The following NAV2 variants were observed in gnomAD, a reference collection of about 807,000 sequenced individuals.
NAV2 encodes the protein helicase, APC down-regulated 1.
A neutral mutation model predicts 223.2 loss-of-function variants in NAV2; 54 were observed. The ratio of observed to expected loss-of-function variants is 0.24; its 90% confidence interval spans 0.19 to 0.30. NAV2 has a LOEUF of 0.30. NAV2 is among the 10% of genes least tolerant of loss of function. The pLI is 1.00. For synonymous variants in NAV2, 1,279 were observed against 1,239.3 expected (o/e 1.03, Z -0.67); for missense variants, 2,806 against 3,147.5 (o/e 0.89, Z 2.60).
At chr11:20,011,633 A>G (rs1175165480) in intron 11 of NAV2, among the ~76,000 whole-genome samples, 1 of 152,270 alleles carries the variant, frequency 6.6e-6, no homozygotes, top group Non-Finnish European at 1.5e-5. Flanking sequence ...CAGGATTTGT[A>G]GCTAGACAGT....
chr11:19,499,148 C>G (rs1187724835), intron 1 of NAV2, among the ~76,000 whole-genome samples: 1 of 152,204 alleles, frequency 6.6e-6, no homozygotes, highest in African/African-American at 2.4e-5. Flanking sequence ...GCCTTTGCCA[C>G]CTGTGTGGGC....
chr11:19,609,752 G>A (rs2046583922), intron 1 of NAV2, among the ~76,000 whole-genome samples: 2 of 152,150 alleles, frequency 1.3e-5, no homozygotes, highest in African/African-American at 4.8e-5. Flanking sequence ...ATGATTATTG[G>A]CCATGCAAGC....
At chr11:19,509,696 G>T (rs1461741572) in intron 1 of NAV2, among the ~76,000 whole-genome samples, 1 of 152,162 alleles carries the variant, frequency 6.6e-6, no homozygotes, top group Non-Finnish European at 1.5e-5. Flanking sequence ...CTCTTTGCTG[G>T]TTCTTTAGAT....
intron 6 of NAV2, among the ~76,000 whole-genome samples, chr11:19,931,398 C>G (rs1445504968): frequency 6.6e-6 from 1 of 152,120 alleles, no homozygotes; most frequent in Non-Finnish European, 1.5e-5. Context: ...TTTGGATCAC[C>G]CTGGAGCTGT....
intron 36 of NAV2, among the ~76,000 whole-genome samples, chr11:20,112,272 T>G (rs7124370): frequency 7.2e-5 from 11 of 151,986 alleles, no homozygotes; most frequent in Non-Finnish European, 1.3e-4. Context: ...CAATAATTGC[T>G]TTTCAAATGC....
At chr11:19,594,561 C>G (rs2046153892) in intron 1 of NAV2, among the ~76,000 whole-genome samples, 1 of 151,952 alleles carries the variant, frequency 6.6e-6, no homozygotes, top group Non-Finnish European at 1.5e-5. Context: ...TCGGTCCCAA[C>G]ATGGTAGTGA....
chr11:19,374,197 TC>T (rs1256926090), intron 1 of NAV2, among the ~76,000 whole-genome samples: 1 of 152,230 alleles, frequency 6.6e-6, no homozygotes, highest in Non-Finnish European at 1.5e-5. Context: ...TTCTTGTTTT[TC>T]ACTATGTATC....
At chr11:19,503,554 T>G (rs908129441) in intron 1 of NAV2, 30 of 152,350 alleles carry the variant, frequency 2.0e-4, no homozygotes, top group African/African-American at 7.2e-4. Context: ...TCATACAATT[T>G]GTAGCTTTTT....
intron 1 of NAV2, among the ~76,000 whole-genome samples, chr11:19,576,456 A>G (rs1260761659): frequency 6.6e-6 from 1 of 152,194 alleles, no homozygotes; most frequent in African/African-American, 2.4e-5. Context: ...GAATTTGGGG[A>G]GAAATACAAA....
At chr11:19,361,590 T>A (rs1438861595) in intron 1 of NAV2, among the ~76,000 whole-genome samples, 1 of 151,978 alleles carries the variant, frequency 6.6e-6, no homozygotes, top group Non-Finnish European at 1.5e-5. Flanking sequence ...AGTCCTGAGG[T>A]CACTACATGA....
intron 1 of NAV2, among the ~76,000 whole-genome samples, chr11:19,604,258 G>A (rs1478822888): frequency 6.6e-6 from 1 of 152,088 alleles, no homozygotes; most frequent in African/African-American, 2.4e-5. Flanking sequence ...GGTAGGAGGA[G>A]GCTACTGCAA....
At chr11:19,991,372 G>A (rs922770910) in intron 11 of NAV2, among the ~76,000 whole-genome samples, 3 of 152,036 alleles carry the variant, frequency 2.0e-5, no homozygotes, top group Admixed American at 6.6e-5. Flanking sequence ...TGATCTGCCT[G>A]CCTCAGCCTC....
At chr11:19,428,140 A>G (rs1258456736) in intron 1 of NAV2, among the ~76,000 whole-genome samples, 3 of 152,076 alleles carry the variant, frequency 2.0e-5, no homozygotes, top group African/African-American at 7.2e-5. Context: ...TAAATCTTTG[A>G]GATCTTTCAT....
In NAV2 at chr11:19,577,539, C is replaced by T. The variant is rs192262494; in HGVS notation, c.75+226512C>T. Among the ~76,000 whole-genome samples the T allele has an allele frequency of 1.4e-3, 209 of 152,364 alleles. 1 individual carries two copies. The highest frequency in any genetic ancestry group is 4.7e-3 in the African/African-American group (197 of 41,586). ...GCCACTTCTCCCTCTGTGTCCTTCA[C>T]CACCTATCTTTTTCACAGCTCTGTT... On this transcript the variant is annotated intron_variant, in intron 1 of 37. Coordinates refer to the NAV2 transcript ENST00000360655.
chr11:19,515,101 A>G (rs569477567), intron 1 of NAV2, among the ~76,000 whole-genome samples: 8 of 152,234 alleles, frequency 5.3e-5, no homozygotes, highest in Non-Finnish European at 7.3e-5. Flanking sequence ...TATAACTTGT[A>G]TAAGCATCAG....
At chr11:19,414,285 G>T (rs1425335295) in intron 1 of NAV2, among the ~76,000 whole-genome samples, 3 of 152,098 alleles carry the variant, frequency 2.0e-5, no homozygotes, top group Admixed American at 2.0e-4. Flanking sequence ...AACAAAACGG[G>T]TTGCAATCCT....
intron 1 of NAV2, 50 bp from the exon 2 acceptor site, chr11:19,832,434 A>C (rs1239598740): frequency 2.0e-5 from 29 of 1,458,782 alleles, no homozygotes; most frequent in Non-Finnish European, 2.6e-5. Flanking sequence ...TCAGACTCTG[A>C]GAGGGGATCC....
At chr11:19,675,714 G>T (rs1371090755) in intron 1 of NAV2, among the ~76,000 whole-genome samples, 1 of 152,162 alleles carries the variant, frequency 6.6e-6, no homozygotes, top group African/African-American at 2.4e-5. Flanking sequence ...AACCTGCATG[G>T]CCAGTCCCGG....
intron 4 of NAV2, among the ~76,000 whole-genome samples, chr11:19,873,864 G>C (rs1270886571): frequency 1.3e-5 from 2 of 152,172 alleles, no homozygotes; most frequent in African/African-American, 4.8e-5. Context: ...GAGGGCTGTT[G>C]AGTGGAGGGG....
Sources: gnomAD v4.1 joint callset for allele counts (sites outside exome capture counted in the v4.1 genomes callset) on GRCh38, gnomAD v4.1.1 for gene constraint, MANE v1.5 for transcripts, NCBI Gene and HGNC (gene_info 2026-07-23, HGNC 2026-07-21) for gene names.